The following USP25 variants were observed in gnomAD, a reference collection of about 807,000 sequenced individuals.
USP25 encodes the protein ubiquitin specific peptidase 25.
A neutral mutation model predicts 158.5 loss-of-function variants in USP25; 85 were observed. The ratio of observed to expected loss-of-function variants is 0.54; its 90% CI spans 0.45 to 0.64. The LOEUF (loss-of-function observed/expected upper bound fraction) is 0.64, where lower values mean the gene tolerates loss of function less well. Ranked by LOEUF, USP25 falls within the 30% of genes least tolerant of loss-of-function variation. USP25 has a pLI of 0.00. For synonymous variants in USP25, 464 were observed against 460.4 expected (o/e 1.01, Z -0.10); for missense variants, 1,242 against 1,327.3 (o/e 0.94, Z 1.00).
intron 20 of USP25, 147 bp from the exon 21 acceptor site, chr21:15,864,121 C>T (rs2039551869): frequency 6.2e-6 from 3 of 484,988 alleles, no homozygotes; most frequent in African/African-American, 2.8e-5. Context: ...GGACTGTGTT[C>T]TTAGTTGTAC....
intron 24 of USP25, chr21:15,877,146 A>G (rs1020143528): frequency 2.6e-5 from 4 of 152,234 alleles, no homozygotes; most frequent in African/African-American, 9.6e-5. Context: ...TAGTTGCAAC[A>G]GAAACTTCAT....
At chr21:15,807,831 G>T (rs1407368135) in intron 7 of USP25, among the ~76,000 whole-genome samples, 1 of 152,088 alleles carries the variant, frequency 6.6e-6, no homozygotes, top group Non-Finnish European at 1.5e-5. Flanking sequence ...GATCTAGGTG[G>T]ACATATATTT....
At chr21:15,781,146 C>T (rs1412006160) in intron 4 of USP25, among the ~76,000 whole-genome samples, 4 of 152,240 alleles carry the variant, frequency 2.6e-5, no homozygotes, top group South Asian at 2.1e-4. Context: ...ATCAACTGGT[C>T]GATGTAGTCA....
At position 15,806,508 on chromosome 21, in the gene USP25, G is replaced by T. The variant is rs538068870; in HGVS notation, c.780+1250G>T. The stretch of plus-strand genomic sequence containing the variant: ...TCACATTTAAAGATGAGGCAGCATA[G>T]ACTTTGTCTGGAGCCATGTATGTAC... On this transcript the variant is annotated intron_variant, in intron 7 of 25. Transcript: ENST00000400183. Among the ~76,000 whole-genome samples, 3 of 151,240 alleles carry T rather than the reference G, an allele frequency of 2.0e-5. No homozygotes were observed. The South Asian group carries it at 6.3e-4, about 32-fold the overall frequency.
intron 1 of USP25, among the ~76,000 whole-genome samples, chr21:15,738,273 A>G (rs574698662): frequency 1.8e-4 from 27 of 152,150 alleles, no homozygotes; most frequent in Admixed American, 3.9e-4. Context: ...CCTTTTTTTC[A>G]GAAGTAACAC....
At chr21:15,840,629 C>T (rs943631208) in intron 17 of USP25, among the ~76,000 whole-genome samples, 1 of 152,248 alleles carries the variant, frequency 6.6e-6, no homozygotes, top group East Asian at 1.9e-4. Context: ...TTCAGTGTTA[C>T]TCATAACGTT....
intron 1 of USP25, among the ~76,000 whole-genome samples, chr21:15,761,906 G>T (rs1489144003): frequency 1.3e-5 from 2 of 152,056 alleles, no homozygotes; most frequent in African/African-American, 4.8e-5. Flanking sequence ...ATGCGCCTTG[G>T]TCAAATTCCT....
At chr21:15,734,855 C>G (rs8128012) in intron 1 of USP25, among the ~76,000 whole-genome samples, 5,161 of 152,122 alleles carry the variant, frequency 0.034, 294 homozygotes, top group African/African-American at 0.12. Context: ...AACATAAGAA[C>G]CATTTGTACA....
At position 15,843,882 on chromosome 21, in the gene USP25, T is replaced by A. The variant is rs952459013; in HGVS notation, c.2337+1342T>A. Among the ~76,000 whole-genome samples, 1 of 152,210 alleles carries A rather than the reference T, an allele frequency of 6.6e-6. No homozygotes were observed. The highest frequency in any genetic ancestry group is 2.4e-5 in the African/African-American group (1 of 41,464). On this transcript the variant is annotated intron_variant, in intron 18 of 25. Coordinates refer to ENST00000400183, the MANE Select transcript of USP25 (RefSeq NM_001283041.3). The surrounding 1 kb of genome is among the most constrained non-coding windows in gnomAD (Gnocchi z 4.0). The stretch of plus-strand genomic sequence containing the variant: ...TGAGTGTCACTTTTTAAGCTGGTAT[T>A]AGAAAACCAAAAGCATTACTTAGCT...
chr21:15,734,717 A>G (rs1164092478), intron 1 of USP25, among the ~76,000 whole-genome samples: 1 of 152,072 alleles, frequency 6.6e-6, no homozygotes, highest in African/African-American at 2.4e-5. Flanking sequence ...GTTAGTTTCT[A>G]TTATATATTG....
chr21:15,852,831 C>T (rs1364935328), intron 20 of USP25, among the ~76,000 whole-genome samples: 1 of 152,036 alleles, frequency 6.6e-6, no homozygotes. Context: ...TACATTTGCA[C>T]CTATCTGTGA....
chr21:15,860,577 T>A (rs2039382472), intron 20 of USP25, among the ~76,000 whole-genome samples: 1 of 152,166 alleles, frequency 6.6e-6, no homozygotes, highest in Non-Finnish European at 1.5e-5. Flanking sequence ...TCTAAGTATT[T>A]AGGTTGGAAG....
intron 9 of USP25, among the ~76,000 whole-genome samples, chr21:15,815,386 A>G (rs1568841395): frequency 6.6e-6 from 1 of 152,168 alleles, no homozygotes; most frequent in Non-Finnish European, 1.5e-5. Context: ...GAAGAAGGCC[A>G]CTGTCCTCCA....
chr21:15,788,399 C>T (rs1433729553), intron 4 of USP25, among the ~76,000 whole-genome samples: 1 of 152,076 alleles, frequency 6.6e-6, no homozygotes, highest in Non-Finnish European at 1.5e-5. Flanking sequence ...ATCAGTCAGT[C>T]AATCAATAAC....
chr21:15,783,036 A>C (rs2035055513), intron 4 of USP25, among the ~76,000 whole-genome samples: 1 of 152,194 alleles, frequency 6.6e-6, no homozygotes, highest in Non-Finnish European at 1.5e-5. Flanking sequence ...GAGAAATTGA[A>C]CAAAGATAGA....
At chr21:15,868,525 C>T (rs2039752920) in intron 22 of USP25, among the ~76,000 whole-genome samples, 2 of 152,250 alleles carry the variant, frequency 1.3e-5, no homozygotes, top group South Asian at 4.1e-4. Flanking sequence ...ATTCTAACTG[C>T]AGGGCTGTTA....
intron 16 of USP25, 66 bp from the exon 17 acceptor site, chr21:15,833,282 A>C: frequency 6.9e-7 from 1 of 1,450,294 alleles, no homozygotes; most frequent in Non-Finnish European, 9.5e-7. Context: ...AATGCAGTCT[A>C]TTTTGAGCTT....
chr21:15,777,079 T>C (rs1216028581), intron 3 of USP25, among the ~76,000 whole-genome samples: 1 of 152,134 alleles, frequency 6.6e-6, no homozygotes, highest in East Asian at 1.9e-4. Flanking sequence ...AATTGACCAA[T>C]ATATATTGGG....
At chr21:15,825,639 A>G (rs1051273732) in intron 12 of USP25, among the ~76,000 whole-genome samples, 7 of 152,182 alleles carry the variant, frequency 4.6e-5, no homozygotes, top group East Asian at 1.9e-4. Context: ...GAAATGTTCT[A>G]CAGGCCAGAC....
Sources: gnomAD v4.1 joint callset for allele counts (sites outside exome capture counted in the v4.1 genomes callset) on GRCh38, gnomAD v4.1.1 for gene constraint, Gnocchi (gnomAD v3.1) non-coding constraint, MANE v1.5 for transcripts, NCBI Gene and HGNC (gene_info 2026-07-23, HGNC 2026-07-21) for gene names.